ZNF430: variants seen among roughly 807,000 people sequenced by gnomAD.
ZNF430 encodes the protein zinc finger protein 430.
A neutral mutation model predicts 56.7 loss-of-function variants in ZNF430; 35 were observed. The ratio of observed to expected loss-of-function variants is 0.62; its 90% CI spans 0.47 to 0.82. ZNF430 has a LOEUF of 0.82. Among genes scored for constraint, ZNF430 ranks in the 40% least tolerant of loss-of-function variants. The pLI is 0.00. For synonymous variants in ZNF430, 212 were observed against 224.3 expected, an observed-to-expected ratio of 0.94 and a Z score of 0.49; for missense variants, 574 against 661.0, an observed-to-expected ratio of 0.87 and a Z score of 1.44.
intron 4 of ZNF430, among the ~76,000 whole-genome samples, chr19:21,054,552 C>T (rs11666175): frequency 0.17 from 25,906 of 151,560 alleles, 2,376 homozygotes; most frequent in South Asian, 0.27. Flanking sequence ...TTTTATCTTG[C>T]AGTTTCCAAG....
chr19:21,049,689 C>CAACATTTCTTGTTACATTTCATGT (rs1968249642), intron 4 of ZNF430: 2 of 133,116 alleles, frequency 1.5e-5, no homozygotes, highest in Non-Finnish European at 1.6e-5. Context: ...ACATTTCGTG[C>CAACATTTCTTGTTACATTTCATGT]AACATTTCTT....
At chr19:21,043,076 A>G (rs761199078) in intron 4 of ZNF430, among the ~76,000 whole-genome samples, 14 of 151,902 alleles carry the variant, frequency 9.2e-5, no homozygotes, top group Non-Finnish European at 1.9e-4. Flanking sequence ...TTGTCTGTTC[A>G]CTCTGATGAT....
intron 2 of ZNF430, among the ~76,000 whole-genome samples, chr19:21,030,658 G>C (rs189592145): frequency 1.3e-5 from 2 of 152,244 alleles, no homozygotes; most frequent in Non-Finnish European, 2.9e-5. Context: ...AAGGGACTCT[G>C]TGCTGTACCT....
chr19:21,022,104 C>T (rs905920666), intron 1 of ZNF430, among the ~76,000 whole-genome samples: 4 of 152,156 alleles, frequency 2.6e-5, no homozygotes, highest in African/African-American at 9.7e-5. Flanking sequence ...TCCCAAAATG[C>T]TGGGATTACA....
In ZNF430 at chr19:21,038,616, C is replaced by CG. The variant is rs1018020152; in HGVS notation, c.322+4437dup. Among the ~76,000 whole-genome samples, 34 of 151,826 alleles carry CG rather than the reference C, an allele frequency of 2.2e-4. 1 individual carries two copies. The highest frequency in any genetic ancestry group is 7.2e-4 in the African/African-American group (30 of 41,414). Reference sequence around the variant, plus strand: ...CTAATTTTTGTATTTTTAGTAGAGACGGGGGTTTCACAATGTTGACCAGGC... The same window carrying CG: ...CTAATTTTTGTATTTTTAGTAGAGACGGGGGGTTTCACAATGTTGACCAGGC... On this transcript the variant is annotated intron_variant, in intron 4 of 4. Transcript: ENST00000261560.
At position 21,022,879 on chromosome 19, in the gene ZNF430, A is replaced by G. The variant is rs1402934268; in HGVS notation, c.94A>G (p.Lys32Glu). The change falls in exon 2 of 5, where the codon AAG becomes GAG. Residue 32 changes from lysine (K) to glutamate (E), a missense_variant and splice_region_variant. Physicochemically the swap from Lys to Glu is moderately conservative, Grantham distance 56. Around this residue, in one of 3 missense-constraint regions of ZNF430, gnomAD observed 346 missense variants for 399.1 expected, o/e 0.87. Coordinates refer to ENST00000261560, the MANE Select transcript of ZNF430 (RefSeq NM_025189.4). ...TCTTCTGGTGTACTCTTTTTATGAA[A>G]AGGTAACCCCTTGAGATGTTAAAAT... The part of the protein sequence containing the change: ...RNLLVYSFYE[K>E]GPLTFRDVAI... The G allele has an allele frequency of 6.2e-7, 1 of 1,610,602 alleles. No individual in the cohort carries two copies. Among genetic ancestry groups the G allele is most frequent in the Non-Finnish European group, 8.5e-7 (1 of 1,176,874 alleles).
chr19:21,057,781 C>T lies in ZNF430; in HGVS notation c.1473C>T (p.Gly491=), dbSNP rs572822402. 18 of 1,613,862 alleles carry T rather than the reference C, an allele frequency of 1.1e-5. No homozygotes were observed. The East Asian group carries it at 4.0e-4, about 36-fold the overall frequency. The change falls in exon 5 of 5, where the codon GGC becomes GGT. Residue 491 remains glycine, a synonymous_variant. Transcript: ENST00000261560. ...GEKPYKCEEC[G]KAFNQFSNLT... ...AACCCTACAAATGTGAAGAATGTGG[C>T]AAAGCTTTTAACCAATTCTCAAACC...
intron 3 of ZNF430, chr19:21,033,867 A>G: frequency 3.7e-6 from 2 of 546,338 alleles, no homozygotes; most frequent in Non-Finnish European, 6.1e-6. Context: ...CTTAAAATCT[A>G]TTTGCCGCCA....
At position 21,034,142 on chromosome 19, in the gene ZNF430, C is replaced by A. The variant is rs1198313962; in HGVS notation, c.280C>A (p.Pro94Thr). 4 of 1,613,142 alleles carry A rather than the reference C, an allele frequency of 2.5e-6. No individual in the cohort carries two copies. Among genetic ancestry groups the A allele is most frequent in the Non-Finnish European group, 3.4e-6 (4 of 1,179,652 alleles). Residue 94 changes from proline to threonine, a missense_variant, in exon 4 of 5, where the codon CCC (proline) becomes ACC (threonine). Pro to Thr is a conservative substitution (Grantham distance 38). Coordinates refer to ENST00000261560, the MANE Select transcript of ZNF430 (RefSeq NM_025189.4). ...CACCTGTCTAGAGCAAGGAAAAGAG[C>A]CCTGGAATATGAAGAGACATGCGAT... is the stretch of plus-strand genomic sequence containing the variant. Reference protein sequence around the residue: ...LITCLEQGKEPWNMKRHAMVD... With the variant: ...LITCLEQGKETWNMKRHAMVD...
At chr19:21,027,975 A>C (rs1159274854) in intron 2 of ZNF430, among the ~76,000 whole-genome samples, 1 of 152,164 alleles carries the variant, frequency 6.6e-6, no homozygotes, top group Non-Finnish European at 1.5e-5. Flanking sequence ...TATCACGTAG[A>C]ATGAGCTAGA....
intron 4 of ZNF430, among the ~76,000 whole-genome samples, chr19:21,050,085 C>T (rs1023511448): frequency 1.5e-5 from 2 of 135,946 alleles, no homozygotes; most frequent in Non-Finnish European, 3.2e-5. Context: ...AGGGTTTCAC[C>T]GTCTTAGCCA....
At chr19:21,027,287 C>T (rs1354648408) in intron 2 of ZNF430, among the ~76,000 whole-genome samples, 1 of 152,048 alleles carries the variant, frequency 6.6e-6, no homozygotes, top group Non-Finnish European at 1.5e-5. Flanking sequence ...GTAAGTTTGT[C>T]GTTGATGTCT....
intron 2 of ZNF430, among the ~76,000 whole-genome samples, chr19:21,028,525 C>T (rs1001515195): frequency 3.3e-5 from 5 of 152,166 alleles, no homozygotes; most frequent in African/African-American, 1.2e-4. Context: ...ATTGGGCCAT[C>T]AGCCCAGGGT....
rs760515387 is a variant in ZNF430 at position 21,034,109 on chromosome 19, G to A, written c.247G>A (p.Asp83Asn). The change falls in exon 4 of 5, where the codon GAC (aspartate) becomes AAC (asparagine). Residue 83 changes from aspartate to asparagine, a missense_variant. Coordinates refer to ENST00000261560, the MANE Select transcript of ZNF430 (RefSeq NM_025189.4). ...FLAGIAVSKP[D>N]LITCLEQGKE... Reference sequence around the variant, plus strand: ...AGCAGGTATTGCTGTTTCTAAGCCAGACCTGATCACCTGTCTAGAGCAAGG... The same window carrying A: ...AGCAGGTATTGCTGTTTCTAAGCCAAACCTGATCACCTGTCTAGAGCAAGG... 5 of 1,613,030 alleles carry A rather than the reference G, an allele frequency of 3.1e-6. No homozygotes were observed. The highest frequency in any genetic ancestry group is 4.2e-6 in the Non-Finnish European group (5 of 1,179,616).
In ZNF430 at chr19:21,056,117, T is replaced by C. The variant is rs138828562; in HGVS notation, c.323-514T>C. Among the ~76,000 whole-genome samples the C allele has an allele frequency of 1.6e-3, 248 of 152,332 alleles. 2 individuals carry two copies. Among genetic ancestry groups the C allele is most frequent in the African/African-American group, 5.7e-3 (235 of 41,568 alleles). ...AGCTGGGGCACTTCACACACTTAAC[T>C]TATTTATAAATTTTCCTCAGATGTA... On this transcript the variant is annotated intron_variant, in intron 4 of 4. Coordinates refer to ENST00000261560, the MANE Select transcript of ZNF430 (RefSeq NM_025189.4).
intron 4 of ZNF430, among the ~76,000 whole-genome samples, chr19:21,044,192 C>A (rs1261897774): frequency 1.3e-5 from 2 of 151,950 alleles, no homozygotes; most frequent in Non-Finnish European, 2.9e-5. Flanking sequence ...AGCTTTTGCC[C>A]TTTCGGTATG....
Position 21,057,969 on chromosome 19 carries a change from C to G in ZNF430, c.1661C>G (p.Ser554Ter), listed in dbSNP as rs375337699. 9 of 1,610,354 alleles carry G rather than the reference C, an allele frequency of 5.6e-6. No individual in the cohort carries two copies. Among genetic ancestry groups the G allele is most frequent in the Non-Finnish European group, 7.6e-6 (9 of 1,178,492 alleles). The change falls in exon 5 of 5, where the codon TCA becomes TGA. Residue 554 changes from serine to a stop codon, truncating the protein, a stop_gained. Transcript: ENST00000261560. LOFTEE classifies it high-confidence loss of function. Reference sequence around the variant, plus strand: ...TACGGCAAAGCTTTCAACCAGTCCTCAAACCTTATTGAACAAAGTAATTCA... The same window carrying G: ...TACGGCAAAGCTTTCAACCAGTCCTGAAACCTTATTGAACAAAGTAATTCA... ...EEYGKAFNQS[S>*]NLIEQSNSYW... is the part of the protein sequence containing the mutation.
chr19:21,056,609 T>G (rs757960660), intron 4 of ZNF430, 22 bp from the exon 5 acceptor site: 3 of 1,476,486 alleles, frequency 2.0e-6, no homozygotes, highest in Admixed American at 4.7e-5. Context: ...ATGGAGTAAT[T>G]TGTTATTTTT....
intron 4 of ZNF430, among the ~76,000 whole-genome samples, chr19:21,051,645 C>G (rs187235301): frequency 6.6e-6 from 1 of 152,142 alleles, no homozygotes; most frequent in African/African-American, 2.4e-5. Context: ...AGGCTCGTAC[C>G]ACCAAGCCCA....
Sources: gnomAD v4.1 joint callset for allele counts (sites outside exome capture counted in the v4.1 genomes callset) on GRCh38, gnomAD v4.1.1 for gene constraint, gnomAD v4.1.1 regional missense constraint, MANE v1.5 for transcripts, NCBI Gene and HGNC (gene_info 2026-07-23, HGNC 2026-07-21) for gene names.